ORC3: variants seen among roughly 807,000 people sequenced by gnomAD.
ORC3 encodes the protein homolog of latheo, Drosophila.
In ORC3, 78 loss-of-function variants were observed where a neutral mutation model predicts 100.7. That is an observed-to-expected ratio of 0.77 (90% CI 0.65 to 0.94). ORC3 has a LOEUF of 0.94. Among genes scored for constraint, ORC3 ranks in the 40% least tolerant of loss-of-function variants. The probability of loss-of-function intolerance (pLI) is 0.00; values close to 1 mark genes in which losing one functional copy is unlikely to be tolerated. For synonymous variants in ORC3, 295 were observed against 289.3 expected, an observed-to-expected ratio of 1.02 and a Z score of -0.20; for missense variants, 789 against 823.9, an observed-to-expected ratio of 0.96 and a Z score of 0.52.
chr6:87,669,675 C>G (rs1454263971), downstream of ORC3, among the ~76,000 whole-genome samples: 1 of 152,198 alleles, frequency 6.6e-6, no homozygotes, highest in Non-Finnish European at 1.5e-5. Context: ...GCAATTAGCT[C>G]AATATTTTTT....
Position 87,665,888 on chromosome 6 carries a change from A to G in ORC3, c.2030+55A>G, listed in dbSNP as rs1289907944. ...CCAACTACACATAAAATATAAGTTTATAATTTCTCCAGGTCTACACTAGAT... is the reference window on the plus strand; with the variant it reads ...CCAACTACACATAAAATATAAGTTTGTAATTTCTCCAGGTCTACACTAGAT... On this transcript the variant is annotated intron_variant, in intron 19 of 19. Transcript: ENST00000392844. 7.3e-6 allele frequency: 8 copies of G among 1,097,346 alleles called. No individual in the cohort carries two copies. The East Asian group carries it at 1.5e-4, about 20-fold the overall frequency. The allele number at this position is 1,097,346 out of a possible 1,614,324, so 68.0% of individuals were successfully genotyped here.
chr6:87,662,001 A>T (rs192063901), intron 16 of ORC3, among the ~76,000 whole-genome samples: 318 of 152,316 alleles, frequency 2.1e-3, no homozygotes, highest in Non-Finnish European at 3.4e-3. Flanking sequence ...TCTAGCTCAT[A>T]GGTGAAAAAA....
At chr6:87,634,819 TTAA>T in intron 11 of ORC3, 23 bp from the exon 12 acceptor site, 1 of 1,058,614 alleles carries the variant, frequency 9.4e-7, no homozygotes, top group Non-Finnish European at 1.5e-6. Flanking sequence ...GACTTACATA[TTAA>T]TAATATATTC....
intron 11 of ORC3, among the ~76,000 whole-genome samples, chr6:87,622,703 T>C (rs1162691731): frequency 7.2e-5 from 11 of 152,184 alleles, no homozygotes; most frequent in Admixed American, 7.2e-4. Flanking sequence ...TACTAGTTTC[T>C]TATATTTCAT....
At chr6:87,669,848 G>A (rs529422759), downstream of ORC3, among the ~76,000 whole-genome samples, 1 of 152,242 alleles carries the variant, frequency 6.6e-6, no homozygotes, top group African/African-American at 2.4e-5. Flanking sequence ...TCCAATACAA[G>A]GACACCATCA....
intron 7 of ORC3, 70 bp from the exon 8 acceptor site, chr6:87,612,019 G>T (rs1778806725): frequency 1.4e-6 from 2 of 1,404,722 alleles, no homozygotes; most frequent in Non-Finnish European, 2.0e-6. Flanking sequence ...TTTGTCTTAT[G>T]TTGAAATATG....
At chr6:87,616,992 T>G (rs1779204019) in intron 9 of ORC3, among the ~76,000 whole-genome samples, 1 of 152,112 alleles carries the variant, frequency 6.6e-6, no homozygotes, top group African/African-American at 2.4e-5. Context: ...GAAACAGGGC[T>G]TCACCATGTT....
chr6:87,665,852 T>A lies in ORC3; in HGVS notation c.2030+19T>A. 1 of 1,422,794 alleles carries A rather than the reference T, an allele frequency of 7.0e-7. No individual in the cohort carries two copies. The highest frequency in any genetic ancestry group is 9.9e-7 in the Non-Finnish European group (1 of 1,007,394). 88.1% of individuals were successfully genotyped at this position (1,422,794 alleles called of 1,614,324 possible). ...TTATCCAGTATCCTTTTAAAACCAT[T>A]TCTACAATGTCCAACTACACATAAA... On this transcript the variant is annotated intron_variant, in intron 19 of 19. Coordinates refer to ENST00000392844, the MANE Select transcript of ORC3 (RefSeq NM_012381.4).
intron 11 of ORC3, among the ~76,000 whole-genome samples, chr6:87,624,888 C>G (rs1779784409): frequency 6.6e-6 from 1 of 152,112 alleles, no homozygotes; most frequent in Non-Finnish European, 1.5e-5. Context: ...TGTTCCCCAC[C>G]CTGTGTCCGT....
Position 87,665,777 on chromosome 6 carries a change from T to G in ORC3, c.1974T>G (p.Ala658=). The change falls in exon 19 of 20, where the codon GCT becomes GCG. Residue 658 remains alanine, a synonymous_variant. Coordinates refer to ENST00000392844, the MANE Select transcript of ORC3 (RefSeq NM_012381.4). Reference sequence around the variant, plus strand: ...AGGCTTTTGCAACAGTTGTGACAGCTGCTGAAAAAATGGATGCAAATTCTG... The same window carrying G: ...AGGCTTTTGCAACAGTTGTGACAGCGGCTGAAAAAATGGATGCAAATTCTG... ...WSEAFATVVT[A]AEKMDANSAT... The G allele has an allele frequency of 6.2e-7, 1 of 1,612,278 alleles. No homozygotes were observed. Among genetic ancestry groups the G allele is most frequent in the Non-Finnish European group, 8.5e-7 (1 of 1,178,646 alleles).
At chr6:87,674,908 A>G in the ORC3 span, among the ~76,000 whole-genome samples, 1 of 152,074 alleles carries the variant, frequency 6.6e-6, no homozygotes, top group South Asian at 2.1e-4. Context: ...CCATCTGTAC[A>G]TTAAGAAACA....
At position 87,609,239 on chromosome 6, in the gene ORC3, G is replaced by A. The variant is rs923771499; in HGVS notation, c.713+10G>A. 9 of 1,541,506 alleles carry A rather than the reference G, an allele frequency of 5.8e-6. No individual in the cohort carries two copies. The African/African-American group carries it at 1.3e-4, about 22-fold the overall frequency. ...TCATAATTATCAGCAGGTAGATGGT[G>A]TATTACCTGGCTTTTATGAAAAACT... On this transcript the variant is annotated intron_variant, in intron 7 of 19. Coordinates refer to ENST00000392844, the MANE Select transcript of ORC3 (RefSeq NM_012381.4).
intron 11 of ORC3, among the ~76,000 whole-genome samples, chr6:87,627,898 T>G (rs1346141297): frequency 6.6e-6 from 1 of 152,162 alleles, no homozygotes; most frequent in Non-Finnish European, 1.5e-5. Context: ...CTCATTTTCT[T>G]AAGCTAGAAC....
intron 13 of ORC3, chr6:87,651,317 C>G (rs1769247477): frequency 2.2e-6 from 1 of 456,066 alleles, no homozygotes. Context: ...CCCGTCTTTC[C>G]CCTCCAAGCA....
At chr6:87,643,984 TA>T (rs1768495143) in intron 13 of ORC3, among the ~76,000 whole-genome samples, 6 of 151,594 alleles carry the variant, frequency 4.0e-5, no homozygotes, top group Non-Finnish European at 7.4e-5. Flanking sequence ...GTACGTGTTC[TA>T]TACGGTCTCT....
chr6:87,676,421 G>A, the ORC3 span, among the ~76,000 whole-genome samples: 203 of 115,212 alleles, frequency 1.8e-3, no homozygotes, highest in Middle Eastern at 0.018. Flanking sequence ...AGCCAAGAAC[G>A]CGCCACTGCA....
chr6:87,675,919 G>A, the ORC3 span: 8 of 1,612,670 alleles, frequency 5.0e-6, no homozygotes, highest in East Asian at 2.2e-5. Flanking sequence ...CTTCACAAAC[G>A]CATCATATTG....
At position 87,634,837 on chromosome 6, in the gene ORC3, A is replaced by AT. The variant is rs994049109; in HGVS notation, c.1186-3dup. On this transcript the variant is annotated splice_region_variant and splice_polypyrimidine_tract_variant and intron_variant, in intron 11 of 19. Coordinates refer to ENST00000392844, the MANE Select transcript of ORC3 (RefSeq NM_012381.4). ...TTACATATTAATAATATATTCTGTG[A>AT]TTTTTAGGAGGAAACACAATTATTA... 1 of 1,292,554 alleles carries AT rather than the reference A, an allele frequency of 7.7e-7. No individual in the cohort carries two copies. The highest frequency in any genetic ancestry group is 1.1e-6 in the Non-Finnish European group (1 of 888,458). 80.1% of individuals were successfully genotyped at this position (1,292,554 alleles called of 1,614,324 possible).
At chr6:87,609,300 G>T (rs1443403401) in intron 7 of ORC3, 71 bp downstream of exon 7, 1 of 1,054,846 alleles carries the variant, frequency 9.5e-7, no homozygotes, top group African/African-American at 1.6e-5. Flanking sequence ...AACTTGAAAA[G>T]TATAATCTTC....
Sources: gnomAD v4.1 joint callset for allele counts (sites outside exome capture counted in the v4.1 genomes callset) on GRCh38, gnomAD v4.1.1 for gene constraint, MANE v1.5 for transcripts, NCBI Gene and HGNC (gene_info 2026-07-23, HGNC 2026-07-21) for gene names.